Variants in RABGAP1 observed in about 807,000 individuals in gnomAD.
RABGAP1 encodes the protein RAB GTPase activating protein 1, also known as rab GTPase-activating protein 1.
RABGAP1 carries 23 observed loss-of-function variants against 137.6 expected under a neutral mutation model. That is an observed-to-expected ratio of 0.17 (90% CI 0.12 to 0.24). The LOEUF (loss-of-function observed/expected upper bound fraction) is 0.24, where lower values mean the gene tolerates loss of function less well. Ranked by LOEUF, RABGAP1 falls within the 10% of genes least tolerant of loss-of-function variation. RABGAP1 has a pLI of 1.00. For missense variants in RABGAP1, 906 were observed against 1,275.8 expected (o/e 0.71, Z 4.42); for synonymous variants, 451 against 450.7 (o/e 1.00, Z -0.01).
At chr9:122,988,215 T>A (rs904894348) in intron 4 of RABGAP1, among the ~76,000 whole-genome samples, 2 of 152,192 alleles carry the variant, frequency 1.3e-5, no homozygotes, top group Admixed American at 1.3e-4. Flanking sequence ...TACCCCACAT[T>A]TTTAGAGTTT....
intron 12 of RABGAP1, among the ~76,000 whole-genome samples, chr9:123,017,714 A>G (rs1220678563): frequency 1.3e-5 from 2 of 152,254 alleles, no homozygotes; most frequent in African/African-American, 2.4e-5. Context: ...ATTAAAAATA[A>G]TGGATGCCAT....
chr9:123,049,594 A>G (rs1460664886), intron 13 of RABGAP1, among the ~76,000 whole-genome samples: 1 of 152,216 alleles, frequency 6.6e-6, no homozygotes, highest in Non-Finnish European at 1.5e-5. Context: ...TTCAAGTATC[A>G]GTTTTTCTGC....
At chr9:122,984,766 A>G (rs1466927437) in intron 3 of RABGAP1, 47 bp downstream of exon 3, 3 of 1,526,434 alleles carry the variant, frequency 2.0e-6, no homozygotes, top group Non-Finnish European at 2.7e-6. Flanking sequence ...ATTGTTTTTA[A>G]TATGTGAGTG....
intron 14 of RABGAP1, among the ~76,000 whole-genome samples, chr9:123,067,864 G>A (rs2034228318): frequency 6.6e-6 from 1 of 152,118 alleles, no homozygotes; most frequent in South Asian, 2.1e-4. Context: ...CCATCAGCCT[G>A]AAAAATATGC....
At chr9:122,977,864 C>T (rs1182690309) in intron 2 of RABGAP1, among the ~76,000 whole-genome samples, 1 of 152,168 alleles carries the variant, frequency 6.6e-6, no homozygotes, top group Non-Finnish European at 1.5e-5. Context: ...AGATACCATA[C>T]AGTGGCACAG....
rs373644024 is a variant in RABGAP1, at chr9:123,024,547, C to G, written c.1794+4088C>G. On this transcript the variant is annotated intron_variant, in intron 13 of 25. Transcript: ENST00000373647. Reference sequence around the variant, plus strand: ...CTCCGCCTCCCGGGTTCAAACGATTCTCCTGCCTTAGCCTCCTGAGTAGCT... The same window carrying G: ...CTCCGCCTCCCGGGTTCAAACGATTGTCCTGCCTTAGCCTCCTGAGTAGCT... 4.6e-5 allele frequency among the ~76,000 whole-genome samples: 7 copies of G among 151,888 alleles called. No individual in the cohort carries two copies. In the South Asian group the frequency reaches 1.5e-3, roughly 32 times the overall value.
At chr9:122,968,420 A>C (rs936531948) in intron 2 of RABGAP1, among the ~76,000 whole-genome samples, 6 of 151,604 alleles carry the variant, frequency 4.0e-5, no homozygotes, top group African/African-American at 1.5e-4. Context: ...ATGGGGTTTT[A>C]CCAGGTTGGT....
chr9:123,005,900 T>C (rs140595359), intron 10 of RABGAP1, among the ~76,000 whole-genome samples: 1 of 152,348 alleles, frequency 6.6e-6, no homozygotes, highest in African/African-American at 2.4e-5. Flanking sequence ...TCTGCAGGGT[T>C]GTCGAGTGTG....
At position 123,076,374 on chromosome 9, in the gene RABGAP1, C is replaced by T. The variant is rs2034510566; in HGVS notation, c.2295+88C>T. 5.6e-6 allele frequency: 8 copies of T among 1,434,424 alleles called. No individual in the cohort carries two copies. In the Admixed American group the frequency reaches 1.3e-4, roughly 23 times the overall value. The allele number at this position is 1,434,424 out of a possible 1,614,324, so 88.9% of individuals were successfully genotyped here. On this transcript the variant is annotated intron_variant, in intron 18 of 25. Coordinates refer to ENST00000373647, the MANE Select transcript of RABGAP1 (RefSeq NM_012197.4). ...GTTGTAGTCTCATTCTGAGCAGTCA[C>T]TGTGCACTAGCATTACCCATGACAG...
the RABGAP1 span, among the ~76,000 whole-genome samples, chr9:122,933,099 A>G: frequency 6.6e-6 from 1 of 152,110 alleles, no homozygotes; most frequent in Non-Finnish European, 1.5e-5. Flanking sequence ...TAGCTGGTTT[A>G]TTATGATGCT....
intron 13 of RABGAP1, among the ~76,000 whole-genome samples, chr9:123,020,696 A>T (rs942775222): frequency 6.6e-6 from 1 of 152,084 alleles, no homozygotes; most frequent in African/African-American, 2.4e-5. Context: ...GTATATCCAG[A>T]TTCTTTTTTG....
Position 123,103,140 on chromosome 9 carries a change from A to G in RABGAP1, c.3137A>G (p.Lys1046Arg), listed in dbSNP as rs946791363. Residue 1046 changes from lysine to arginine, a missense_variant, in exon 26 of 26, where the codon AAG (lysine) becomes AGG (arginine). This residue lies in a region of RABGAP1 where 193 missense variants were observed against 248.1 expected (regional missense o/e 0.78). Coordinates refer to ENST00000373647, the MANE Select transcript of RABGAP1 (RefSeq NM_012197.4). ...GCCCTCAATGAGGTGCAGGCAGCCA[A>G]GAAGACGTGGTTTAACCGAACACTG... ...GLALNEVQAA[K>R]KTWFNRTLSS... The G allele has an allele frequency of 2.5e-6, 4 of 1,614,042 alleles. No individual in the cohort carries two copies. The highest frequency in any genetic ancestry group is 3.4e-6 in the Non-Finnish European group (4 of 1,180,000).
At position 123,065,408 on chromosome 9, in the gene RABGAP1, T is replaced by C; in HGVS notation, c.1855T>C (p.Tyr619His). Reference protein sequence around the residue: ...DINRTFPAHDYFKDTGGDGQD... With the variant: ...DINRTFPAHDHFKDTGGDGQD... ...TAACCGAACATTCCCAGCCCATGACTACTTTAAGGACACAGGAGGAGATGG... is the reference window on the plus strand; with the variant it reads ...TAACCGAACATTCCCAGCCCATGACCACTTTAAGGACACAGGAGGAGATGG... The change falls in exon 14 of 26, where the codon TAC (tyrosine) becomes CAC (histidine). Residue 619 changes from tyrosine (Y) to histidine (H), a missense_variant. Around this residue, in one of 9 missense-constraint regions of RABGAP1, gnomAD observed 30 missense variants for 105.8 expected, o/e 0.28. Coordinates refer to ENST00000373647, the MANE Select transcript of RABGAP1 (RefSeq NM_012197.4). 6.2e-7 allele frequency: 1 copy of C among 1,613,250 alleles called. No individual in the cohort carries two copies. Among genetic ancestry groups the C allele is most frequent in the Non-Finnish European group, 8.5e-7 (1 of 1,179,406 alleles).
chr9:122,989,549 A>G (rs567939089), intron 5 of RABGAP1, 78 bp downstream of exon 5: 15 of 1,435,698 alleles, frequency 1.0e-5, no homozygotes, highest in African/African-American at 1.4e-5. Context: ...TATGGTATTT[A>G]TTATGATCAC....
At chr9:122,950,972 T>C (rs1588156388) in intron 1 of RABGAP1, among the ~76,000 whole-genome samples, 1 of 152,346 alleles carries the variant, frequency 6.6e-6, no homozygotes, top group East Asian at 1.9e-4. Flanking sequence ...GCATTTTCAT[T>C]TACTTCAGCA....
intron 13 of RABGAP1, among the ~76,000 whole-genome samples, chr9:123,054,332 G>A (rs2033608815): frequency 6.6e-6 from 1 of 152,148 alleles, no homozygotes; most frequent in South Asian, 2.1e-4. Flanking sequence ...ATTTTATTGA[G>A]TGCTTTAATA....
chr9:123,091,915 G>C (rs187170733), intron 21 of RABGAP1, among the ~76,000 whole-genome samples: 5 of 152,032 alleles, frequency 3.3e-5, no homozygotes, highest in Non-Finnish European at 5.9e-5. Flanking sequence ...CTCCCTGTTC[G>C]GGTATTTCTG....
intron 19 of RABGAP1, among the ~76,000 whole-genome samples, chr9:123,080,619 A>C (rs1017547733): frequency 6.6e-6 from 1 of 152,222 alleles, no homozygotes. Context: ...TGGCAAGTGC[A>C]TCCTGAGCCC....
intron 2 of RABGAP1, chr9:122,971,925 A>G (rs1188032370): frequency 6.6e-6 from 1 of 152,234 alleles, no homozygotes; most frequent in Non-Finnish European, 1.5e-5. Context: ...GTGATAAACG[A>G]TATAAATCAT....
Sources: allele counts gnomAD v4.1 joint callset (sites outside exome capture counted in the v4.1 genomes callset), GRCh38; gene constraint gnomAD v4.1.1; regional missense constraint gnomAD v4.1.1; transcripts MANE v1.5; gene names NCBI Gene and HGNC (gene_info 2026-07-23, HGNC 2026-07-21).